The following TRERF1 variants were observed in gnomAD, a reference collection of about 807,000 sequenced individuals.
TRERF1 encodes transcriptional regulating factor 1.
Under a neutral mutation model 122.9 loss-of-function variants are expected in TRERF1, and 27 were observed. That is an observed-to-expected ratio of 0.22 (90% CI 0.16 to 0.30). The LOEUF (loss-of-function observed/expected upper bound fraction) is 0.30, where lower values mean the gene tolerates loss of function less well. Ranked by LOEUF, TRERF1 falls within the 10% of genes least tolerant of loss-of-function variation. TRERF1 has a pLI of 1.00. For missense variants in TRERF1, 1,248 were observed against 1,560.3 expected (o/e 0.80, Z 3.37); for synonymous variants, 636 against 641.7 (o/e 0.99, Z 0.13).
At chr6:42,321,029 C>T (rs1008426899) in intron 3 of TRERF1, among the ~76,000 whole-genome samples, 1 of 151,164 alleles carries the variant, frequency 6.6e-6, no homozygotes, top group Non-Finnish European at 1.5e-5. Flanking sequence ...GACGCCAGAA[C>T]AACGGAGGGC....
intron 3 of TRERF1, among the ~76,000 whole-genome samples, chr6:42,319,746 C>A (rs918255324): frequency 6.7e-6 from 1 of 149,574 alleles, no homozygotes; most frequent in Non-Finnish European, 1.5e-5. Context: ...TTGCTTGAGC[C>A]TGGGAGGTCA....
At chr6:42,412,000 C>CAT (rs1554208729) in intron 2 of TRERF1, among the ~76,000 whole-genome samples, 2 of 125,290 alleles carry the variant, frequency 1.6e-5, no homozygotes, top group African/African-American at 6.1e-5. Flanking sequence ...TTAAAAAATC[C>CAT]TTTTTTTTTT....
intron 2 of TRERF1, among the ~76,000 whole-genome samples, chr6:42,376,461 T>C (rs1353117830): frequency 6.6e-6 from 1 of 151,572 alleles, no homozygotes; most frequent in Non-Finnish European, 1.5e-5. Flanking sequence ...AGGCTGCTCC[T>C]GTGCTGAATC....
chr6:42,425,626 C>T (rs1405029202), intron 2 of TRERF1, among the ~76,000 whole-genome samples: 1 of 150,182 alleles, frequency 6.7e-6, no homozygotes, highest in Non-Finnish European at 1.5e-5. Context: ...TCACTGCAAC[C>T]TCCACCTCCC....
rs1777302117 is a variant in TRERF1 at position 42,259,070 on chromosome 6, C to A, written c.2269+269G>T. Among the ~76,000 whole-genome samples the A allele has an allele frequency of 6.6e-6, 1 of 152,006 alleles. No homozygotes were observed. The highest frequency in any genetic ancestry group is 1.5e-5 in the Non-Finnish European group (1 of 67,994). ...TCTCTTGCACGATCATTGCTGGCAG[C>A]CTTAAAAAGTGGGTGAACATTTCAA... On this transcript the variant is annotated intron_variant, in intron 9 of 17. Coordinates refer to ENST00000372922, the Ensembl canonical transcript of TRERF1. The surrounding 1 kb of genome is among the most constrained non-coding windows in gnomAD (Gnocchi z 4.9).
In TRERF1 at chr6:42,393,916, GAA is replaced by G. The variant is rs61581284; in HGVS notation, c.-453-30839_-453-30838del. Among the ~76,000 whole-genome samples, 457 of 118,970 alleles carry G rather than the reference GAA, an allele frequency of 3.8e-3. 1 individual carries two copies. Among genetic ancestry groups the G allele is most frequent in the African/African-American group, 0.012 (412 of 33,328 alleles). 78.0% of individuals were successfully genotyped at this position (118,970 alleles called of 152,430 possible). A position where few individuals can be genotyped will look rare whatever the true frequency, so the allele number is the denominator to read the frequency against. On this transcript the variant is annotated intron_variant, in intron 2 of 17. Transcript: ENST00000372922. This position sits in a 1 kb window ranked among gnomAD's most constrained non-coding sequence, Gnocchi z 4.1. ...CAAACTCTCCAATGTATATATGCAGGAAAAAAAAAAAAAAAAAGACTGGGATG... is the reference window on the plus strand; with the variant it reads ...CAAACTCTCCAATGTATATATGCAGGAAAAAAAAAAAAAAAGACTGGGATG...
intron 2 of TRERF1, among the ~76,000 whole-genome samples, chr6:42,439,286 C>T (rs1278682002): frequency 6.6e-6 from 1 of 152,144 alleles, no homozygotes; most frequent in African/African-American, 2.4e-5. Context: ...CGCTCCGTAA[C>T]GTGACATCGG....
At chr6:42,401,363 C>T (rs571224013) in intron 2 of TRERF1, among the ~76,000 whole-genome samples, 7 of 152,300 alleles carry the variant, frequency 4.6e-5, no homozygotes, top group South Asian at 4.1e-4. Context: ...CTCATCATTA[C>T]AATTAACACC....
At chr6:42,287,203 TAGTG>T (rs1193292550) in intron 4 of TRERF1, among the ~76,000 whole-genome samples, 1 of 144,042 alleles carries the variant, frequency 6.9e-6, no homozygotes, top group Non-Finnish European at 1.5e-5. Flanking sequence ...GATGACGAGT[TAGTG>T]GGTGCAGCGC....
At chr6:42,265,081 A>C (rs557808917) in intron 6 of TRERF1, among the ~76,000 whole-genome samples, 1 of 152,350 alleles carries the variant, frequency 6.6e-6, no homozygotes, top group East Asian at 1.9e-4. Flanking sequence ...AAGTCATGCA[A>C]GAATTGAACA....
chr6:42,445,383 CACA>C (rs1787324047), intron 2 of TRERF1, among the ~76,000 whole-genome samples: 1 of 151,524 alleles, frequency 6.6e-6, no homozygotes. Flanking sequence ...CACACACACA[CACA>C]CACAGCACAC....
At chr6:42,345,258 T>C (rs751774857) in intron 3 of TRERF1, among the ~76,000 whole-genome samples, 14 of 152,250 alleles carry the variant, frequency 9.2e-5, no homozygotes, top group Non-Finnish European at 1.8e-4. Context: ...ACAAACACTA[T>C]GTACTATTCC....
intron 2 of TRERF1, among the ~76,000 whole-genome samples, chr6:42,364,903 G>A (rs371846274): frequency 4.7e-4 from 72 of 152,328 alleles, no homozygotes; most frequent in Admixed American, 2.4e-3. Flanking sequence ...CCCAGGGGCC[G>A]CAGGAAGCAT....
chr6:42,293,814 G>A (rs68073365), intron 4 of TRERF1, among the ~76,000 whole-genome samples: 20,074 of 145,758 alleles, frequency 0.14, 1,365 homozygotes, highest in African/African-American at 0.17. Context: ...CAAACAGAAA[G>A]AGAGATGTGC....
At chr6:42,429,966 G>C (rs1223060751) in intron 2 of TRERF1, among the ~76,000 whole-genome samples, 1 of 152,018 alleles carries the variant, frequency 6.6e-6, no homozygotes, top group Non-Finnish European at 1.5e-5. Context: ...AAGAGGGCCG[G>C]GAGGGAGCAA....
intron 4 of TRERF1, among the ~76,000 whole-genome samples, chr6:42,287,274 C>T (rs1422034773): frequency 6.7e-6 from 1 of 149,126 alleles, no homozygotes; most frequent in Non-Finnish European, 1.5e-5. Flanking sequence ...CACATGTACC[C>T]TAAAACTTAA....
intron 2 of TRERF1, among the ~76,000 whole-genome samples, chr6:42,444,605 C>A (rs1212809009): frequency 6.6e-6 from 1 of 152,116 alleles, no homozygotes; most frequent in Non-Finnish European, 1.5e-5. Context: ...CATGATGGAG[C>A]AAGTTCCTGA....
intron 4 of TRERF1, among the ~76,000 whole-genome samples, chr6:42,293,682 C>A (rs750836888): frequency 6.6e-6 from 1 of 152,074 alleles, no homozygotes; most frequent in Non-Finnish European, 1.5e-5. Flanking sequence ...GGGACAGTCA[C>A]AGGAAATCTA....
At position 42,442,268 on chromosome 6, in the gene TRERF1, TA is replaced by T. The variant is rs776216648; in HGVS notation, c.-454+8908del. Among the ~76,000 whole-genome samples the T allele has an allele frequency of 6.6e-3, 957 of 145,674 alleles. 3 individuals are homozygous for T. Among genetic ancestry groups the T allele is most frequent in the Non-Finnish European group, 9.6e-3 (630 of 65,830 alleles). ...AACTCCAGCTTTTTTTCTTTTCCTT[TA>T]AAAAAAAAAAATCTTTCAAAGGAGT... is the stretch of plus-strand genomic sequence containing the variant. On this transcript the variant is annotated intron_variant, in intron 2 of 17. Coordinates refer to ENST00000372922, the Ensembl canonical transcript of TRERF1.
Sources: gnomAD v4.1 joint callset for allele counts (sites outside exome capture counted in the v4.1 genomes callset) on GRCh38, gnomAD v4.1.1 for gene constraint, Gnocchi (gnomAD v3.1) non-coding constraint, MANE v1.5 for transcripts, NCBI Gene and HGNC (gene_info 2026-07-23, HGNC 2026-07-21) for gene names.